Variants in GPHN observed in about 807,000 individuals in gnomAD.
The protein encoded by GPHN is gephyrin.
GPHN carries 17 observed loss-of-function variants against 95.5 expected under a neutral mutation model. The ratio of observed to expected loss-of-function variants is 0.18; its 90% CI spans 0.12 to 0.27. The LOEUF (loss-of-function observed/expected upper bound fraction) is 0.27, where lower values mean the gene tolerates loss of function less well. Ranked by LOEUF, GPHN falls within the 10% of genes least tolerant of loss-of-function variation. The pLI, the probability that GPHN is intolerant of heterozygous loss-of-function variation, is 1.00. For synonymous variants in GPHN, 320 were observed against 322.5 expected (o/e 0.99, Z 0.08); for missense variants, 660 against 978.1 (o/e 0.67, Z 4.34).
intron 1 of GPHN, among the ~76,000 whole-genome samples, chr14:66,600,190 A>C (rs965953524): frequency 3.3e-5 from 5 of 152,022 alleles, no homozygotes; most frequent in Non-Finnish European, 4.4e-5. Flanking sequence ...TTTGGGGCCA[A>C]TGTTATATAT....
At chr14:67,359,876 G>A in the GPHN span, 34 of 677,936 alleles carry the variant, frequency 5.0e-5, no homozygotes, top group Non-Finnish European at 6.8e-5. Flanking sequence ...GGTTGTCACA[G>A]GCGACGAAGG....
chr14:66,714,714 T>C (rs1172582567), intron 2 of GPHN, among the ~76,000 whole-genome samples: 1 of 152,226 alleles, frequency 6.6e-6, no homozygotes, highest in Admixed American at 6.5e-5. Context: ...AAATGCTTTT[T>C]TTGCATCTAT....
chr14:66,702,640 C>A (rs1194077776), intron 2 of GPHN, among the ~76,000 whole-genome samples: 2 of 152,138 alleles, frequency 1.3e-5, no homozygotes, highest in South Asian at 4.1e-4. Context: ...GTCATGAAAA[C>A]CCCATCCAAG....
In GPHN at chr14:67,163,657, G is replaced by A. The variant is rs1465966796; in HGVS notation, c.1911-1505G>A. ...AAGAAGTCAGTGTCACTGTATTATTGCAAAAGGTAAAGAGTGAGAGATCTA... is the reference window on the plus strand; with the variant it reads ...AAGAAGTCAGTGTCACTGTATTATTACAAAAGGTAAAGAGTGAGAGATCTA... On this transcript the variant is annotated intron_variant, in intron 19 of 22. Transcript: ENST00000478722. Among the ~76,000 whole-genome samples the A allele has an allele frequency of 2.0e-5, 3 of 152,072 alleles. No homozygotes were observed. The East Asian group carries it at 5.8e-4, about 29-fold the overall frequency.
intron 9 of GPHN, 40 bp downstream of exon 9, chr14:66,965,365 T>C: frequency 1.3e-6 from 2 of 1,588,566 alleles, no homozygotes; most frequent in South Asian, 1.1e-5. Context: ...TGCTCTTCTA[T>C]AGTAATCTGG....
chr14:67,398,765 C>G, the GPHN span, among the ~76,000 whole-genome samples: 1 of 152,104 alleles, frequency 6.6e-6, no homozygotes, highest in East Asian at 1.9e-4. Context: ...ACTATACTCC[C>G]TAGGCTGGTC....
At chr14:66,562,084 C>G (rs1056087622) in intron 1 of GPHN, among the ~76,000 whole-genome samples, 21 of 152,112 alleles carry the variant, frequency 1.4e-4, no homozygotes, top group Non-Finnish European at 2.6e-4. Flanking sequence ...CACAGATAAT[C>G]CAAGATAATC....
the GPHN span, among the ~76,000 whole-genome samples, chr14:67,323,261 G>GTGTGTGTGTATATATATA: frequency 1.5e-4 from 19 of 124,190 alleles, no homozygotes; most frequent in Middle Eastern, 4.1e-3. Flanking sequence ...GTGTGTGTGT[G>GTGTGTGTGTATATATATA]TATATATATA....
chr14:67,095,607 C>A (rs1315839925), intron 12 of GPHN, among the ~76,000 whole-genome samples: 1 of 149,152 alleles, frequency 6.7e-6, no homozygotes, highest in Non-Finnish European at 1.5e-5. Context: ...CCATAAAAAA[C>A]GATGAGTTCA....
the GPHN span, chr14:67,572,383 C>A: frequency 2.0e-6 from 1 of 495,784 alleles, no homozygotes; most frequent in Non-Finnish European, 3.1e-6. Context: ...TGAGGGGTCC[C>A]TAGAGCTGGG....
At chr14:66,846,410 A>C (rs2153513019) in intron 4 of GPHN, among the ~76,000 whole-genome samples, 1 of 152,324 alleles carries the variant, frequency 6.6e-6, no homozygotes, top group Non-Finnish European at 1.5e-5. Flanking sequence ...GTGGCTCTTA[A>C]GGTGCTCACA....
chr14:67,012,042 C>T (rs533548532), intron 9 of GPHN, among the ~76,000 whole-genome samples: 1 of 152,296 alleles, frequency 6.6e-6, no homozygotes, highest in African/African-American at 2.4e-5. Flanking sequence ...AACCAACGCA[C>T]CTCCTGGCAT....
chr14:67,679,783 T>G, the GPHN span, among the ~76,000 whole-genome samples: 1 of 152,198 alleles, frequency 6.6e-6, no homozygotes, highest in Non-Finnish European at 1.5e-5. Context: ...TTTTGTATTC[T>G]CTGGATCTGG....
chr14:66,976,110 A>G (rs974521150), intron 9 of GPHN, among the ~76,000 whole-genome samples: 1 of 152,198 alleles, frequency 6.6e-6, no homozygotes, highest in African/African-American at 2.4e-5. Context: ...CTGTTCTAGT[A>G]CATAAAGTAC....
In GPHN at chr14:66,686,211, G is replaced by T. The variant is rs1199456850; in HGVS notation, c.143+5026G>T. ...CTCCAGCTTTGTTCTTTTGGCTTAG[G>T]ATTGACTTGGCAATGTGGGCTCTTT... is the stretch of plus-strand genomic sequence containing the variant. On this transcript the variant is annotated intron_variant, in intron 2 of 22. Transcript: ENST00000478722. Among the ~76,000 whole-genome samples the T allele has an allele frequency of 7.9e-5, 12 of 152,292 alleles. No individual in the cohort carries two copies. The East Asian group carries it at 2.3e-3, about 29-fold the overall frequency.
chr14:67,286,621 C>T, the GPHN span, among the ~76,000 whole-genome samples: 2 of 151,458 alleles, frequency 1.3e-5, no homozygotes, highest in African/African-American at 2.4e-5. Context: ...TTTGGGAGGC[C>T]GAGGTGGGTG....
At chr14:67,481,424 G>T in the GPHN span, among the ~76,000 whole-genome samples, 3 of 152,190 alleles carry the variant, frequency 2.0e-5, no homozygotes, top group Non-Finnish European at 4.4e-5. Context: ...GGCAATGTCA[G>T]ACAGTGTCCG....
chr14:66,546,603 C>T (rs1409407861), intron 1 of GPHN, among the ~76,000 whole-genome samples: 2 of 152,140 alleles, frequency 1.3e-5, no homozygotes, highest in Admixed American at 1.3e-4. Context: ...AACCCCGTCT[C>T]CACCAAAAAA....
chr14:67,489,444 G>C, the GPHN span, among the ~76,000 whole-genome samples: 1 of 152,162 alleles, frequency 6.6e-6, no homozygotes, highest in Non-Finnish European at 1.5e-5. Context: ...AGCTGAGTTT[G>C]TCCATGCAGC....
Sources: allele counts gnomAD v4.1 joint callset (sites outside exome capture counted in the v4.1 genomes callset), GRCh38; gene constraint gnomAD v4.1.1; transcripts MANE v1.5; gene names NCBI Gene and HGNC (gene_info 2026-07-23, HGNC 2026-07-21).